Variants in ATP7A observed in about 807,000 individuals in gnomAD.
The protein encoded by ATP7A is ATPase copper transporting alpha.
ATP7A carries 7 observed loss-of-function variants against 83.5 expected under a neutral mutation model. That is an observed-to-expected ratio of 0.08 (90% CI 0.05 to 0.16). ATP7A has a LOEUF of 0.16. Among genes scored for constraint, ATP7A ranks in the 10% least tolerant of loss-of-function variants. ATP7A has a pLI of 1.00. For missense variants in ATP7A, 940 were observed against 1,120.8 expected, an observed-to-expected ratio of 0.84 and a Z score of 2.30; for synonymous variants, 354 against 395.2, an observed-to-expected ratio of 0.90 and a Z score of 1.24.
At chrX:77,953,168 G>A (rs1001642816) in intron 1 of ATP7A, among the ~76,000 whole-genome samples, 12 of 111,959 alleles carry the variant, frequency 1.1e-4, no homozygotes, top group Non-Finnish European at 1.7e-4. Context: ...GCATTTGTTG[G>A]TTTTGGCACT....
intron 2 of ATP7A, 35 bp downstream of exon 2, chrX:77,971,796 A>G: frequency 1.7e-6 from 2 of 1,194,681 alleles, no homozygotes. Flanking sequence ...GTCAAATGCC[A>G]TTGAAGAGAA....
At chrX:77,924,701 T>A (rs781869515) in intron 1 of ATP7A, 1 of 111,757 alleles carries the variant, frequency 8.9e-6, no homozygotes, top group South Asian at 3.7e-4. Context: ...AAGTCTTTGT[T>A]TATTTTTTGA....
At chrX:77,971,411 ACTTTC>A (rs782560118) in intron 1 of ATP7A, among the ~76,000 whole-genome samples, 3 of 112,463 alleles carry the variant, frequency 2.7e-5, no homozygotes, top group East Asian at 2.8e-4. Flanking sequence ...CATAGAAACA[ACTTTC>A]CTTTACTTCA....
chrX:77,949,889 T>A (rs1453581261), intron 1 of ATP7A, among the ~76,000 whole-genome samples: 1 of 112,315 alleles, frequency 8.9e-6, no homozygotes, highest in Admixed American at 9.5e-5. Context: ...CAGTTCTGAC[T>A]CGCTTAACCA....
intron 15 of ATP7A, 129 bp from the exon 16 acceptor site, chrX:78,031,271 C>A: frequency 1.6e-6 from 1 of 630,062 alleles, no homozygotes. Context: ...TTTTTTAAGT[C>A]AAATTAAGTC....
intron 14 of ATP7A, among the ~76,000 whole-genome samples, chrX:78,022,938 C>G (rs189830625): frequency 1.8e-5 from 2 of 111,470 alleles, no homozygotes; most frequent in African/African-American, 3.3e-5. Context: ...CCCTTGCCCC[C>G]CTCCCTTCTT....
chrX:77,932,526 C>T (rs1203328976), intron 1 of ATP7A, among the ~76,000 whole-genome samples: 2 of 112,750 alleles, frequency 1.8e-5, no homozygotes, highest in Admixed American at 1.9e-4. Flanking sequence ...AGGCTGCAAT[C>T]TCGGCACTTT....
chrX:77,914,615 G>T (rs141674042), intron 1 of ATP7A, among the ~76,000 whole-genome samples: 173 of 110,406 alleles, frequency 1.6e-3, no homozygotes, highest in African/African-American at 5.3e-3. Context: ...GGTCAGGCTG[G>T]TATCGAACTC....
chrX:78,007,610 C>A (rs1442896658), intron 6 of ATP7A, among the ~76,000 whole-genome samples: 2 of 112,510 alleles, frequency 1.8e-5, no homozygotes, highest in African/African-American at 6.5e-5. Flanking sequence ...CAGGCGTGAG[C>A]CACCGCGCCC....
At chrX:77,935,619 TAAAC>T (rs2077316258) in intron 1 of ATP7A, among the ~76,000 whole-genome samples, 1 of 112,267 alleles carries the variant, frequency 8.9e-6, no homozygotes, top group Non-Finnish European at 1.9e-5. Flanking sequence ...AGACAGGACA[TAAAC>T]AATACATTTT....
At chrX:78,016,974 C>T (rs2077868991) in intron 12 of ATP7A, among the ~76,000 whole-genome samples, 2 of 112,499 alleles carry the variant, frequency 1.8e-5, no homozygotes, top group African/African-American at 6.4e-5. Flanking sequence ...AGGCAGTGCC[C>T]CATTGGGGAC....
chrX:78,007,255 A>T (rs2077781960), intron 6 of ATP7A, among the ~76,000 whole-genome samples: 1 of 112,423 alleles, frequency 8.9e-6, no homozygotes. Context: ...CCTGATGACT[A>T]ATAATGTTGA....
Position 78,046,422 on chromosome X carries a change from T to C in ATP7A, c.4355T>C (p.Leu1452Ser). ...DTSRNSPKLGLLDRIVNYSRA... is the reference protein window; with the variant it reads ...DTSRNSPKLGSLDRIVNYSRA... ...TCAAGGAATTCTCCTAAACTGGGTT[T>C]GCTGGACCGGATTGTTAATTATAGC... is the stretch of plus-strand genomic sequence containing the variant. Residue 1452 changes from leucine to serine, a missense_variant, in exon 23 of 23, where the codon TTG (leucine) becomes TCG (serine). By Grantham distance (145) the Leu-to-Ser change is moderately radical. This residue lies in a region of ATP7A where 386 missense variants were observed against 502.2 expected (regional missense o/e 0.77). Transcript: ENST00000341514. The C allele has an allele frequency of 8.3e-7, 1 of 1,211,591 alleles. No individual in the cohort carries two copies. Among genetic ancestry groups the C allele is most frequent in the Non-Finnish European group, 1.1e-6 (1 of 895,473 alleles).
chrX:77,995,192 C>T (rs1053010780), intron 4 of ATP7A, among the ~76,000 whole-genome samples: 19 of 111,670 alleles, frequency 1.7e-4, no homozygotes, highest in Non-Finnish European at 5.6e-5. Flanking sequence ...CCTACTTCTG[C>T]CACCCATTCT....
chrX:77,995,440 C>T (rs1366594950), intron 4 of ATP7A, among the ~76,000 whole-genome samples: 2 of 107,410 alleles, frequency 1.9e-5, no homozygotes, highest in Admixed American at 1.0e-4. Flanking sequence ...TGGTGGTGGG[C>T]GCCTGTAATC....
Position 78,038,916 on chromosome X carries a change from G to T in ATP7A, c.3592G>T (p.Asp1198Tyr), listed in dbSNP as rs1374099672. The change falls in exon 18 of 23, where the codon GAT (aspartate) becomes TAT (tyrosine). Residue 1198 changes from aspartate (D) to tyrosine (Y), a missense_variant. Transcript: ENST00000341514. The stretch of plus-strand genomic sequence containing the variant: ...TAGAAATGGTCTTGTCATTAATAAC[G>T]ATGTAAATGATTTCATGACTGAACA... Reference protein sequence around the residue: ...MIRNGLVINNDVNDFMTEHER... With the variant: ...MIRNGLVINNYVNDFMTEHER... The T allele has an allele frequency of 8.3e-7, 1 of 1,210,452 alleles. No homozygotes were observed. The highest frequency in any genetic ancestry group is 2.2e-5 in the Admixed American group (1 of 46,016).
At chrX:77,947,441 C>CT (rs2077386142) in intron 1 of ATP7A, among the ~76,000 whole-genome samples, 1 of 77,334 alleles carries the variant, frequency 1.3e-5, no homozygotes. Flanking sequence ...TATTTTACCA[C>CT]ATTTTTTTTT....
chrX:78,039,403 G>T (rs1442379042), intron 18 of ATP7A, among the ~76,000 whole-genome samples: 1 of 111,041 alleles, frequency 9.0e-6, no homozygotes, highest in African/African-American at 3.3e-5. Flanking sequence ...ATGTGATTCG[G>T]CTCACTGCAA....
At chrX:78,005,683 C>CAAAAAAAAA (rs1218646073) in intron 6 of ATP7A, among the ~76,000 whole-genome samples, 4 of 13,684 alleles carry the variant, frequency 2.9e-4, no homozygotes, top group Non-Finnish European at 3.7e-4. Context: ...AACTCCATCT[C>CAAAAAAAAA]AAAAAAAAAA....
Sources: gnomAD v4.1 joint callset for allele counts (sites outside exome capture counted in the v4.1 genomes callset) on GRCh38, gnomAD v4.1.1 for gene constraint, gnomAD v4.1.1 regional missense constraint, MANE v1.5 for transcripts, NCBI Gene and HGNC (gene_info 2026-07-23, HGNC 2026-07-21) for gene names.